ACVR2A: variants seen among roughly 807,000 people sequenced by gnomAD.
ACVR2A encodes the protein activin receptor type-2A.
A neutral mutation model predicts 61.4 loss-of-function variants in ACVR2A; 7 were observed. The ratio of observed to expected loss-of-function variants is 0.11; its 90% CI spans 0.06 to 0.21. The LOEUF (loss-of-function observed/expected upper bound fraction) is 0.21, where lower values mean the gene tolerates loss of function less well. Among genes scored for constraint, ACVR2A ranks in the 10% least tolerant of loss-of-function variants. The pLI is 1.00. For synonymous variants in ACVR2A, 193 were observed against 208.3 expected, an observed-to-expected ratio of 0.93 and a Z score of 0.63; for missense variants, 322 against 621.7, an observed-to-expected ratio of 0.52 and a Z score of 5.13.
At chr2:147,849,688 A>AT (rs1433297713) in intron 1 of ACVR2A, among the ~76,000 whole-genome samples, 1 of 152,198 alleles carries the variant, frequency 6.6e-6, no homozygotes, top group Non-Finnish European at 1.5e-5. Context: ...CTCTTAGCAA[A>AT]TTAAGGAGCA....
intron 4 of ACVR2A, among the ~76,000 whole-genome samples, chr2:147,906,818 ATTT>A (rs369876665): frequency 5.7e-4 from 70 of 123,398 alleles, no homozygotes; most frequent in African/African-American, 1.7e-3. Flanking sequence ...TATCAAGTCC[ATTT>A]TTTTTTTTTT....
intron 1 of ACVR2A, among the ~76,000 whole-genome samples, chr2:147,887,582 C>T (rs1414228800): frequency 6.6e-6 from 1 of 152,074 alleles, no homozygotes; most frequent in Non-Finnish European, 1.5e-5. Flanking sequence ...AGGTATCTAT[C>T]ATTATTTTTA....
intron 9 of ACVR2A, among the ~76,000 whole-genome samples, chr2:147,924,248 C>T (rs532001180): frequency 6.6e-6 from 1 of 152,056 alleles, no homozygotes; most frequent in African/African-American, 2.4e-5. Flanking sequence ...TTTATAAGAA[C>T]TTTATTAATA....
intron 4 of ACVR2A, among the ~76,000 whole-genome samples, chr2:147,911,814 G>A (rs896246151): frequency 5.9e-5 from 9 of 151,942 alleles, no homozygotes; most frequent in African/African-American, 1.4e-4. Flanking sequence ...AGAAAAAACC[G>A]TTTTACTTGA....
In ACVR2A at chr2:147,873,444, C is replaced by G. The variant is rs376930395; in HGVS notation, c.56-22857C>G. Among the ~76,000 whole-genome samples the G allele has an allele frequency of 2.6e-5, 4 of 151,922 alleles. No individual in the cohort carries two copies. In the South Asian group the frequency reaches 8.3e-4, roughly 32 times the overall value. On this transcript the variant is annotated intron_variant, in intron 1 of 10. Coordinates refer to ENST00000241416, the MANE Select transcript of ACVR2A (RefSeq NM_001616.5). ...AAATCCAGTGTGTATCTTGTACTTA[C>G]GGCACATCTCAATTCATATTAGCCA...
chr2:147,901,948 GT>G (rs2105196812), intron 4 of ACVR2A, among the ~76,000 whole-genome samples: 1 of 151,944 alleles, frequency 6.6e-6, no homozygotes, highest in East Asian at 1.9e-4. Context: ...AAAAGGCTTA[GT>G]TTTATCTTCT....
intron 1 of ACVR2A, among the ~76,000 whole-genome samples, chr2:147,873,873 G>T (rs999561226): frequency 6.6e-6 from 1 of 151,972 alleles, no homozygotes; most frequent in Non-Finnish European, 1.5e-5. Context: ...TGTCTGTGTA[G>T]CCTGGAGGAG....
rs111712953 is a variant in ACVR2A, at chr2:147,920,638, G to T, written c.1077+294G>T. Among the ~76,000 whole-genome samples, 7 of 152,206 alleles carry T rather than the reference G, an allele frequency of 4.6e-5. 1 individual carries two copies. The highest frequency in any genetic ancestry group is 6.8e-3 in the Middle Eastern group (2 of 294). On this transcript the variant is annotated intron_variant, in intron 8 of 10. Coordinates refer to ENST00000241416, the MANE Select transcript of ACVR2A (RefSeq NM_001616.5). The stretch of plus-strand genomic sequence containing the variant: ...AGACCTCATTCTTAGGGAATTCTTC[G>T]TATGAACTCCGTAGTTTTAGTCTGT...
At chr2:147,844,539 G>A (rs1185903560), upstream of ACVR2A, 3 of 148,918 alleles carry the variant, frequency 2.0e-5, no homozygotes, top group African/African-American at 4.9e-5. Flanking sequence ...ACGCGGCCGA[G>A]CCCGGAGCCC....
chr2:147,927,439 T>C lies in ACVR2A; in HGVS notation c.*165T>C. 1 of 636,046 alleles carries C rather than the reference T, an allele frequency of 1.6e-6. No individual in the cohort carries two copies. Among genetic ancestry groups the C allele is most frequent in the Non-Finnish European group, 2.6e-6 (1 of 388,038 alleles). 39.4% of individuals were successfully genotyped at this position (636,046 alleles called of 1,614,324 possible). On this transcript the variant is annotated 3_prime_UTR_variant, in exon 11 of 11. Coordinates refer to ENST00000241416, the MANE Select transcript of ACVR2A (RefSeq NM_001616.5). ...AAAAATGTTGCTCTGGGAGACTTAC[T>C]GCATTGCCGACAGCACAGATGTGAA...
At chr2:147,910,592 A>G (rs1389877162) in intron 4 of ACVR2A, among the ~76,000 whole-genome samples, 3 of 152,146 alleles carry the variant, frequency 2.0e-5, no homozygotes, top group Non-Finnish European at 4.4e-5. Flanking sequence ...TGTCAGTGCT[A>G]TTGTTCTCTA....
intron 1 of ACVR2A, among the ~76,000 whole-genome samples, chr2:147,861,587 A>G (rs1270326039): frequency 1.3e-5 from 2 of 152,166 alleles, no homozygotes; most frequent in African/African-American, 2.4e-5. Context: ...GCTCAAAGGA[A>G]ATGCTCATTG....
chr2:147,903,054 G>A (rs1300449732), intron 4 of ACVR2A: 1 of 151,926 alleles, frequency 6.6e-6, no homozygotes, highest in Non-Finnish European at 1.5e-5. Flanking sequence ...TGGCAGTTAG[G>A]TGAGGGATTC....
chr2:147,860,443 A>C (rs1685701997), intron 1 of ACVR2A, among the ~76,000 whole-genome samples: 1 of 152,106 alleles, frequency 6.6e-6, no homozygotes, highest in African/African-American at 2.4e-5. Flanking sequence ...TGATACGCTA[A>C]TTGAAAATAG....
chr2:147,914,193 C>A (rs1251359498), intron 4 of ACVR2A, among the ~76,000 whole-genome samples: 1 of 151,892 alleles, frequency 6.6e-6, no homozygotes, highest in Admixed American at 6.6e-5. Context: ...GTCATCATAT[C>A]AGTTGCTTTT....
chr2:147,908,055 GAAAA>G (rs1038557736), intron 4 of ACVR2A, among the ~76,000 whole-genome samples: 17 of 121,296 alleles, frequency 1.4e-4, no homozygotes, highest in African/African-American at 2.0e-4. Context: ...AAAAAAAAAA[GAAAA>G]AAAAGAAAAA....
chr2:147,884,939 G>A (rs1001961893), intron 1 of ACVR2A, among the ~76,000 whole-genome samples: 2 of 152,076 alleles, frequency 1.3e-5, no homozygotes, highest in African/African-American at 4.8e-5. Context: ...AATATAGAAT[G>A]CTGTAGTCCA....
intron 5 of ACVR2A, among the ~76,000 whole-genome samples, chr2:147,916,733 T>C (rs1687257490): frequency 6.6e-6 from 1 of 151,958 alleles, no homozygotes; most frequent in Non-Finnish European, 1.5e-5. Flanking sequence ...CATGGATTGC[T>C]TGCAGGCACA....
intron 4 of ACVR2A, among the ~76,000 whole-genome samples, chr2:147,912,608 A>G (rs1031288035): frequency 2.0e-5 from 3 of 151,962 alleles, no homozygotes; most frequent in African/African-American, 7.2e-5. Flanking sequence ...ATAAATTACT[A>G]TAATGATGCC....
Sources: allele counts gnomAD v4.1 joint callset (sites outside exome capture counted in the v4.1 genomes callset), GRCh38; gene constraint gnomAD v4.1.1; transcripts MANE v1.5; gene names NCBI Gene and HGNC (gene_info 2026-07-23, HGNC 2026-07-21).